The following RBMS3 variants were observed in gnomAD, a reference collection of about 807,000 sequenced individuals.
RBMS3 encodes RNA binding motif single stranded interacting protein 3.
In RBMS3, 27 loss-of-function variants were observed where a neutral mutation model predicts 66.8. The ratio of observed to expected loss-of-function variants is 0.40; its 90% CI spans 0.30 to 0.56. The LOEUF (loss-of-function observed/expected upper bound fraction) is 0.56, where lower values mean the gene tolerates loss of function less well. RBMS3 is among the 20% of genes least tolerant of loss of function. The pLI, the probability that RBMS3 is intolerant of heterozygous loss-of-function variation, is 0.40. For synonymous variants in RBMS3, 188 were observed against 183.0 expected (o/e 1.03, Z -0.22); for missense variants, 513 against 549.5 (o/e 0.93, Z 0.66).
intron 3 of RBMS3, among the ~76,000 whole-genome samples, chr3:29,572,463 GT>G (rs1220362485): frequency 6.6e-6 from 1 of 152,014 alleles, no homozygotes; most frequent in Non-Finnish European, 1.5e-5. Flanking sequence ...TTTTTTGAGG[GT>G]TTTTATTATG....
In RBMS3 at chr3:29,290,045, TACTA is replaced by T. The variant is rs983720507; in HGVS notation, c.75+8294_75+8297del. ...TAATGAAAAGTGAAATAAAAAACAA[TACTA>T]ACTATCTGGTTTTCTGGAACTGGTT... On this transcript the variant is annotated intron_variant, in intron 1 of 14. Transcript: ENST00000383767. 3.3e-5 allele frequency among the ~76,000 whole-genome samples: 5 copies of T among 151,938 alleles called. 1 individual carries two copies. The highest frequency in any genetic ancestry group is 1.9e-4 in the East Asian group (1 of 5,162).
At chr3:29,859,579 T>C (rs1456019570) in intron 6 of RBMS3, among the ~76,000 whole-genome samples, 1 of 152,236 alleles carries the variant, frequency 6.6e-6, no homozygotes, top group Non-Finnish European at 1.5e-5. Flanking sequence ...TATAGTTATA[T>C]GGCAGACAGG....
At chr3:29,517,103 C>T (rs549103267) in intron 3 of RBMS3, among the ~76,000 whole-genome samples, 1 of 151,930 alleles carries the variant, frequency 6.6e-6, no homozygotes, top group Admixed American at 6.6e-5. Flanking sequence ...CGCCCAGCTA[C>T]CCAGGAGGCT....
chr3:29,362,424 A>G (rs1470046183), intron 1 of RBMS3, among the ~76,000 whole-genome samples: 1 of 152,148 alleles, frequency 6.6e-6, no homozygotes, highest in Non-Finnish European at 1.5e-5. Flanking sequence ...GTCTCAGAGG[A>G]GTACCCGGCC....
chr3:29,705,181 G>A (rs1283655593), intron 4 of RBMS3, among the ~76,000 whole-genome samples: 1 of 152,202 alleles, frequency 6.6e-6, no homozygotes, highest in Non-Finnish European at 1.5e-5. Context: ...GCAGGGTAAG[G>A]AGTTGAAAGA....
In RBMS3 at chr3:29,281,629, GCACTATAC is replaced by G. The variant is rs2031789182; in HGVS notation, c.-51_-44del. 2 of 1,472,880 alleles carry G rather than the reference GCACTATAC, an allele frequency of 1.4e-6. No individual in the cohort carries two copies. The highest frequency in any genetic ancestry group is 1.9e-6 in the Non-Finnish European group (2 of 1,052,282). 91.2% of individuals were successfully genotyped at this position (1,472,880 alleles called of 1,614,324 possible). On this transcript the variant is annotated 5_prime_UTR_variant, in exon 1 of 15. Transcript: ENST00000383767. ...GGTTTAAGAGGAAGCTCGGCCTGGG[GCACTATAC>G]CCTGTCATCCAGTTCCCTGCCTCGG...
chr3:29,922,138 AT>A (rs2060798793), intron 10 of RBMS3, among the ~76,000 whole-genome samples: 5 of 152,356 alleles, frequency 3.3e-5, no homozygotes, highest in Admixed American at 6.5e-5. Flanking sequence ...AACTTACTCT[AT>A]TATAGCTTGT....
intron 3 of RBMS3, among the ~76,000 whole-genome samples, chr3:29,548,962 G>T (rs974472455): frequency 1.3e-5 from 2 of 151,296 alleles, no homozygotes; most frequent in Non-Finnish European, 2.9e-5. Flanking sequence ...TTAAATTTGA[G>T]CAAGTCTTTT....
At chr3:29,700,648 G>C (rs2149287394) in intron 4 of RBMS3, among the ~76,000 whole-genome samples, 1 of 151,384 alleles carries the variant, frequency 6.6e-6, no homozygotes, top group East Asian at 1.9e-4. Context: ...GCAAAAGAGG[G>C]AATCCTAACT....
At chr3:29,503,861 A>T (rs2044075530) in intron 3 of RBMS3, among the ~76,000 whole-genome samples, 1 of 152,126 alleles carries the variant, frequency 6.6e-6, no homozygotes, top group Admixed American at 6.6e-5. Context: ...CTCCATGGAA[A>T]CCACAGTTAG....
chr3:29,719,773 T>C (rs1046298405), intron 4 of RBMS3, among the ~76,000 whole-genome samples: 2 of 152,192 alleles, frequency 1.3e-5, no homozygotes, highest in Non-Finnish European at 2.9e-5. Flanking sequence ...CATCAGAAAG[T>C]GTGTAGAATT....
intron 1 of RBMS3, among the ~76,000 whole-genome samples, chr3:29,378,811 C>T (rs754409417): frequency 9.2e-5 from 14 of 151,796 alleles, no homozygotes; most frequent in Non-Finnish European, 1.9e-4. Flanking sequence ...GTGATCATTC[C>T]TAATCATTAA....
At chr3:29,435,052 T>C in intron 2 of RBMS3, 137 bp downstream of exon 2, 1 of 935,386 alleles carries the variant, frequency 1.1e-6, no homozygotes, top group South Asian at 2.1e-5. Context: ...AGGACTTAAA[T>C]TTGAGATTCA....
At chr3:29,991,034 C>T in intron 13 of RBMS3, 48 bp from the exon 14 acceptor site, 1 of 1,580,114 alleles carries the variant, frequency 6.3e-7, no homozygotes, top group Non-Finnish European at 8.7e-7. Context: ...TAGAGAGGGC[C>T]CTTCACTGAA....
At chr3:30,000,342 C>A (rs982242299) in intron 14 of RBMS3, among the ~76,000 whole-genome samples, 26 of 152,124 alleles carry the variant, frequency 1.7e-4, no homozygotes, top group African/African-American at 5.1e-4. Context: ...CAATGAGATA[C>A]CATTTCATGC....
rs1324569166 is a variant in RBMS3, at chr3:29,637,789, G to A, written c.399+50584G>A. On this transcript the variant is annotated intron_variant, in intron 4 of 14. Transcript: ENST00000383767. ...GCATTTAGTGCCCATAACAACATGG[G>A]CACTGGAGGAAACCATTTCTCTCTT... is the stretch of plus-strand genomic sequence containing the variant. Among the ~76,000 whole-genome samples the A allele has an allele frequency of 2.0e-5, 3 of 151,768 alleles. No homozygotes were observed. The East Asian group carries it at 5.8e-4, about 29-fold the overall frequency.
intron 1 of RBMS3, among the ~76,000 whole-genome samples, chr3:29,314,814 A>G (rs1443876591): frequency 6.6e-6 from 1 of 151,784 alleles, no homozygotes; most frequent in East Asian, 1.9e-4. Flanking sequence ...GATGTCTTGT[A>G]TCATGCTTTT....
At chr3:29,355,570 G>GA in intron 1 of RBMS3, among the ~76,000 whole-genome samples, 1 of 149,776 alleles carries the variant, frequency 6.7e-6, no homozygotes, top group East Asian at 2.0e-4. Context: ...AAAAAAAAAG[G>GA]AAAAAATGTT....
chr3:29,980,658 C>T (rs1360710493), intron 12 of RBMS3, among the ~76,000 whole-genome samples: 1 of 152,172 alleles, frequency 6.6e-6, no homozygotes, highest in African/African-American at 2.4e-5. Context: ...TATGGCTAGC[C>T]AGTTTTCCTA....
Sources: allele counts gnomAD v4.1 joint callset (sites outside exome capture counted in the v4.1 genomes callset), GRCh38; gene constraint gnomAD v4.1.1; transcripts MANE v1.5; gene names NCBI Gene and HGNC (gene_info 2026-07-23, HGNC 2026-07-21).